The following NEBL variants were observed in gnomAD, a reference collection of about 807,000 sequenced individuals.
The protein encoded by NEBL is LIM and SH3 protein 2.
Under a neutral mutation model 140.2 loss-of-function variants are expected in NEBL, and 122 were observed. That is an observed-to-expected ratio of 0.87 (90% CI 0.75 to 1.01). The LOEUF (loss-of-function observed/expected upper bound fraction) is 1.01. Among genes scored for constraint, NEBL ranks in the 50% least tolerant of loss-of-function variants. The pLI, the probability that NEBL is intolerant of heterozygous loss-of-function variation, is 0.00. For synonymous variants in NEBL, 436 were observed against 398.9 expected (o/e 1.09, Z -1.11); for missense variants, 1,365 against 1,231.3 (o/e 1.11, Z -1.62).
chr10:20,803,464 C>G (rs1357238109), intron 26 of NEBL, among the ~76,000 whole-genome samples: 2 of 152,060 alleles, frequency 1.3e-5, no homozygotes, highest in Non-Finnish European at 2.9e-5. Flanking sequence ...AGAAGATGAT[C>G]TTGAACCAAA....
At chr10:21,253,823 C>A (rs1842620598) in intron 1 of NEBL, among the ~76,000 whole-genome samples, 2 of 152,078 alleles carry the variant, frequency 1.3e-5, no homozygotes, top group East Asian at 1.9e-4. Context: ...GGATTACAGG[C>A]ATGAGCCACT....
intron 2 of NEBL, among the ~76,000 whole-genome samples, chr10:21,170,912 A>G (rs1465914110): frequency 6.6e-6 from 1 of 152,224 alleles, no homozygotes; most frequent in African/African-American, 2.4e-5. Flanking sequence ...GGAGACCTGA[A>G]TGATGAACCT....
intron 2 of NEBL, among the ~76,000 whole-genome samples, chr10:21,121,744 G>A (rs937550651): frequency 2.6e-5 from 4 of 152,060 alleles, no homozygotes; most frequent in African/African-American, 9.7e-5. Flanking sequence ...CACAACACAT[G>A]ACAGTTAACT....
upstream of NEBL, among the ~76,000 whole-genome samples, chr10:20,900,587 G>A (rs1439423188): frequency 6.6e-6 from 1 of 151,088 alleles, no homozygotes; most frequent in Non-Finnish European, 1.5e-5. Context: ...ACTTCGGGAG[G>A]CCAAGGCAGG....
intron 2 of NEBL, among the ~76,000 whole-genome samples, chr10:21,047,448 A>T (rs2131844883): frequency 6.6e-6 from 1 of 152,322 alleles, no homozygotes; most frequent in South Asian, 2.1e-4. Flanking sequence ...CTATAGAAGA[A>T]TCTATTAATA....
intron 3 of NEBL, among the ~76,000 whole-genome samples, chr10:21,239,826 C>G (rs1235303960): frequency 6.6e-6 from 1 of 152,042 alleles, no homozygotes. Context: ...ACCATCCTAG[C>G]TAACATGGTG....
intron 3 of NEBL, among the ~76,000 whole-genome samples, chr10:20,982,119 C>T (rs1317631385): frequency 6.6e-6 from 1 of 152,194 alleles, no homozygotes; most frequent in African/African-American, 2.4e-5. Context: ...TTCAATTACC[C>T]ACCCTAACAG....
intron 26 of NEBL, 103 bp downstream of exon 26, chr10:20,808,407 C>A: frequency 1.7e-6 from 2 of 1,181,148 alleles, no homozygotes; most frequent in South Asian, 1.3e-5. Context: ...CAAATACAGC[C>A]AGGATAGATG....
intron 4 of NEBL, among the ~76,000 whole-genome samples, chr10:20,936,269 T>C (rs755279155): frequency 4.6e-5 from 7 of 152,166 alleles, no homozygotes; most frequent in Non-Finnish European, 8.8e-5. Context: ...AACTTAGACA[T>C]AATAAAGTGA....
In NEBL at chr10:20,785,437, C is replaced by T. The variant is rs1835327302; in HGVS notation, c.*310G>A. The T allele has an allele frequency of 1.1e-5, 4 of 378,986 alleles. No homozygotes were observed. The highest frequency in any genetic ancestry group is 3.9e-5 in the Admixed American group (1 of 25,910). 23.5% of individuals were successfully genotyped at this position (378,986 alleles called of 1,614,324 possible). ...CACACTACATTTAAGGGACAATCAACTTCTCTATTAAAGTCTACAAAAATA... is the reference window on the plus strand; with the variant it reads ...CACACTACATTTAAGGGACAATCAATTTCTCTATTAAAGTCTACAAAAATA... On this transcript the variant is annotated 3_prime_UTR_variant, in exon 28 of 28. Transcript: ENST00000377122.
At chr10:20,963,266 C>T (rs1417184) in intron 3 of NEBL, among the ~76,000 whole-genome samples, 30,304 of 152,024 alleles carry the variant, frequency 0.2, 4,949 homozygotes, top group African/African-American at 0.44. Context: ...ACATTCTCAG[C>T]GTTTAATGCC....
intron 21 of NEBL, among the ~76,000 whole-genome samples, chr10:20,817,132 C>A (rs993938734): frequency 1.3e-5 from 2 of 152,136 alleles, no homozygotes; most frequent in Non-Finnish European, 2.9e-5. Flanking sequence ...GTAATCCCAG[C>A]ACTTTGGGAG....
intron 3 of NEBL, among the ~76,000 whole-genome samples, chr10:20,888,769 T>C (rs935163740): frequency 1.3e-5 from 2 of 152,224 alleles, no homozygotes; most frequent in Admixed American, 1.3e-4. Flanking sequence ...GGGAACACAA[T>C]AGATTGCTCA....
intron 3 of NEBL, among the ~76,000 whole-genome samples, chr10:21,242,307 C>T (rs1264668161): frequency 6.6e-6 from 1 of 152,200 alleles, no homozygotes; most frequent in Admixed American, 6.5e-5. Context: ...AATGAGATCA[C>T]GTGCTTTGCA....
intron 2 of NEBL, among the ~76,000 whole-genome samples, chr10:21,106,791 C>T (rs141074316): frequency 0.11 from 16,192 of 152,144 alleles, 911 homozygotes; most frequent in South Asian, 0.15. Context: ...TGGCCATTTT[C>T]AGGATATTGA....
intron 4 of NEBL, among the ~76,000 whole-genome samples, chr10:20,950,835 T>C (rs1025932452): frequency 6.6e-6 from 1 of 152,248 alleles, no homozygotes; most frequent in Non-Finnish European, 1.5e-5. Context: ...TTAAGAATAA[T>C]AGAATGGTTT....
intron 2 of NEBL, among the ~76,000 whole-genome samples, chr10:21,032,104 T>C (rs1475890835): frequency 6.6e-6 from 1 of 152,194 alleles, no homozygotes; most frequent in East Asian, 1.9e-4. Flanking sequence ...ATGTGTAAAA[T>C]TGTACAAATG....
At chr10:20,986,970 T>A (rs1418669194) in intron 3 of NEBL, among the ~76,000 whole-genome samples, 1 of 152,232 alleles carries the variant, frequency 6.6e-6, no homozygotes, top group Non-Finnish European at 1.5e-5. Context: ...CGACTTACTA[T>A]CTTTGGAGTC....
chr10:21,220,429 G>A, intron 3 of NEBL, among the ~76,000 whole-genome samples: 1 of 152,136 alleles, frequency 6.6e-6, no homozygotes, highest in East Asian at 1.9e-4. Flanking sequence ...TGGTGTTAAG[G>A]AAACTAGATA....
Sources: gnomAD v4.1 joint callset for allele counts (sites outside exome capture counted in the v4.1 genomes callset) on GRCh38, gnomAD v4.1.1 for gene constraint, MANE v1.5 for transcripts, NCBI Gene and HGNC (gene_info 2026-07-23, HGNC 2026-07-21) for gene names.